NRXN3: variants seen among roughly 807,000 people sequenced by gnomAD.
NRXN3 encodes the protein neurexin III.
Under a neutral mutation model 137.6 loss-of-function variants are expected in NRXN3, and 32 were observed. That is an observed-to-expected ratio of 0.23 (90% CI 0.18 to 0.31). The LOEUF is 0.31. NRXN3 is among the 10% of genes least tolerant of loss of function. The pLI is 1.00. For missense variants in NRXN3, 1,574 were observed against 2,062.5 expected (o/e 0.76, Z 4.59); for synonymous variants, 798 against 784.5 (o/e 1.02, Z -0.29).
At position 79,068,587 on chromosome 14, in the gene NRXN3, T is replaced by A. The variant is rs181327044; in HGVS notation, c.3262+80446T>A. Among the ~76,000 whole-genome samples the A allele has an allele frequency of 1.9e-4, 29 of 152,272 alleles. No homozygotes were observed. The East Asian group carries it at 5.6e-3, about 29-fold the overall frequency. The stretch of plus-strand genomic sequence containing the variant: ...TCTCCACATTTAAAGTCTCCACTTG[T>A]CACTTGAATTAACATAGTATTTTAG... On this transcript the variant is annotated intron_variant, in intron 15 of 20. Transcript: ENST00000335750.
chr14:78,926,499 GAGAGGC>G (rs1304367827), intron 10 of NRXN3, among the ~76,000 whole-genome samples: 2 of 146,792 alleles, frequency 1.4e-5, no homozygotes, highest in Non-Finnish European at 3.0e-5. Flanking sequence ...CCAGCACTTT[GAGAGGC>G]CAAGGTAGGT....
At chr14:79,118,628 A>G (rs991908519) in intron 15 of NRXN3, among the ~76,000 whole-genome samples, 7 of 152,254 alleles carry the variant, frequency 4.6e-5, no homozygotes, top group African/African-American at 1.7e-4. Flanking sequence ...CTTTATTGTT[A>G]TAAACCATTT....
chr14:78,266,094 C>T (rs1409006091), intron 2 of NRXN3, among the ~76,000 whole-genome samples: 1 of 152,162 alleles, frequency 6.6e-6, no homozygotes, highest in South Asian at 2.1e-4. Flanking sequence ...TGCTTTTTCT[C>T]TGTTATCTCT....
intron 3 of NRXN3, among the ~76,000 whole-genome samples, chr14:78,285,877 A>G (rs1397160889): frequency 6.6e-6 from 1 of 152,184 alleles, no homozygotes. Flanking sequence ...GGGGGCCCTC[A>G]GCTGGGCTAA....
At chr14:79,468,890 C>T (rs554151292) in intron 16 of NRXN3, among the ~76,000 whole-genome samples, 2 of 152,154 alleles carry the variant, frequency 1.3e-5, no homozygotes, top group Non-Finnish European at 2.9e-5. Flanking sequence ...AATTTTTTCT[C>T]AGATGCTTCA....
At chr14:78,246,041 C>T (rs1007628798) in intron 2 of NRXN3, among the ~76,000 whole-genome samples, 39 of 152,326 alleles carry the variant, frequency 2.6e-4, no homozygotes, top group Admixed American at 1.3e-3. Context: ...TTTTCTCATT[C>T]GCCCAAAGGA....
rs114001691 is a variant in NRXN3 at position 79,577,224 on chromosome 14, T to C, written c.3445-86554T>C. ...AGTCCATTAAACCTGTTTTTCTTTA[T>C]CAATTACCCGGTCTCAGATATGTCT... is the stretch of plus-strand genomic sequence containing the variant. On this transcript the variant is annotated intron_variant, in intron 16 of 20. Transcript: ENST00000335750. Among the ~76,000 whole-genome samples, 1,114 of 152,294 alleles carry C rather than the reference T, an allele frequency of 7.3e-3. 13 individuals carry two copies. The highest frequency in any genetic ancestry group is 0.044 in the Middle Eastern group (13 of 294).
At chr14:79,275,631 G>C (rs1297830229) in intron 15 of NRXN3, among the ~76,000 whole-genome samples, 1 of 151,974 alleles carries the variant, frequency 6.6e-6, no homozygotes, top group Non-Finnish European at 1.5e-5. Context: ...AGAATCTCCA[G>C]ACTATCACAT....
intron 15 of NRXN3, among the ~76,000 whole-genome samples, chr14:79,133,494 G>A (rs1476050903): frequency 2.0e-5 from 3 of 152,102 alleles, no homozygotes; most frequent in African/African-American, 7.2e-5. Flanking sequence ...GTGTTTTTCT[G>A]CTTAACTCTC....
chr14:79,009,575 G>C (rs1367866457), intron 15 of NRXN3, among the ~76,000 whole-genome samples: 1 of 152,112 alleles, frequency 6.6e-6, no homozygotes, highest in Non-Finnish European at 1.5e-5. Flanking sequence ...AGAATATACA[G>C]AGCAAGGATC....
intron 19 of NRXN3, among the ~76,000 whole-genome samples, chr14:79,777,128 AG>A (rs2099099528): frequency 1.3e-5 from 2 of 152,214 alleles, no homozygotes; most frequent in Admixed American, 1.3e-4. Flanking sequence ...AATAAATAAT[AG>A]TATGGCTGGT....
intron 15 of NRXN3, among the ~76,000 whole-genome samples, chr14:79,140,873 C>G (rs982366297): frequency 6.6e-6 from 1 of 152,080 alleles, no homozygotes. Flanking sequence ...AATGCCTAGC[C>G]TTTCAACAGG....
intron 15 of NRXN3, among the ~76,000 whole-genome samples, chr14:79,400,360 T>C (rs2095158753): frequency 6.6e-6 from 1 of 152,198 alleles, no homozygotes; most frequent in Admixed American, 6.5e-5. Context: ...TAAGTTAACA[T>C]TTTAAACTAC....
chr14:79,863,241 C>G lies in NRXN3; in HGVS notation c.*1277C>G, dbSNP rs531604194. 136 of 152,254 alleles carry G rather than the reference C, an allele frequency of 8.9e-4. No homozygotes were observed. Among genetic ancestry groups the G allele is most frequent in the Admixed American group, 3.0e-3 (45 of 15,242 alleles). The allele number at this position is 152,254 out of a possible 1,614,324, so 9.4% of individuals were successfully genotyped here. The stretch of plus-strand genomic sequence containing the variant: ...TCCATTTGCTCACTTCTCTCTTCAC[C>G]CATCTTTTTTAAAAACAAATAAATG... On this transcript the variant is annotated 3_prime_UTR_variant, in exon 21 of 21. Transcript: ENST00000335750.
chr14:78,643,868 T>C (rs1394455535), intron 4 of NRXN3, among the ~76,000 whole-genome samples: 1 of 152,036 alleles, frequency 6.6e-6, no homozygotes, highest in Non-Finnish European at 1.5e-5. Flanking sequence ...AAGGGCTGGG[T>C]GCAGTGGCTC....
chr14:78,336,024 A>G, intron 4 of NRXN3, among the ~76,000 whole-genome samples: 1 of 152,210 alleles, frequency 6.6e-6, no homozygotes, highest in Middle Eastern at 3.2e-3. Context: ...GGTCTTCAAA[A>G]TCCAGAGCTC....
chr14:78,744,369 T>A (rs2152934045), intron 8 of NRXN3: 1 of 152,304 alleles, frequency 6.6e-6, no homozygotes, highest in East Asian at 1.9e-4. Flanking sequence ...CCTAAGGCGA[T>A]CCACCCGCCT....
At chr14:79,013,980 C>G (rs1031932500) in intron 15 of NRXN3, among the ~76,000 whole-genome samples, 1 of 152,138 alleles carries the variant, frequency 6.6e-6, no homozygotes, top group Non-Finnish European at 1.5e-5. Context: ...GACACTGAAT[C>G]AAAGGTTCTT....
intron 16 of NRXN3, among the ~76,000 whole-genome samples, chr14:79,589,350 T>G (rs905932145): frequency 2.0e-5 from 3 of 152,158 alleles, no homozygotes. Flanking sequence ...CTATTTTTTT[T>G]TGTACTGAGA....
Sources: gnomAD v4.1 joint callset for allele counts (sites outside exome capture counted in the v4.1 genomes callset) on GRCh38, gnomAD v4.1.1 for gene constraint, MANE v1.5 for transcripts, NCBI Gene and HGNC (gene_info 2026-07-23, HGNC 2026-07-21) for gene names.